MYCBP2: variants seen among roughly 807,000 people sequenced by gnomAD.
The protein encoded by MYCBP2 is MYC binding protein 2.
In MYCBP2, 120 loss-of-function variants were observed where a neutral mutation model predicts 525.3. The ratio of observed to expected loss-of-function variants is 0.23; its 90% CI spans 0.20 to 0.27. MYCBP2 has a LOEUF of 0.27. MYCBP2 is among the 10% of genes least tolerant of loss of function. The probability of loss-of-function intolerance (pLI) is 1.00; values close to 1 mark genes in which losing one functional copy is unlikely to be tolerated. For synonymous variants in MYCBP2, 1,894 were observed against 1,955.8 expected (o/e 0.97, Z 0.83); for missense variants, 4,149 against 5,657.1 (o/e 0.73, Z 8.55).
chr13:77,086,078 T>A (rs2044211773), intron 62 of MYCBP2, among the ~76,000 whole-genome samples: 3 of 152,204 alleles, frequency 2.0e-5, no homozygotes, highest in Admixed American at 6.6e-5. Context: ...TCATTACTTT[T>A]TACATAGTCA....
At chr13:77,216,942 G>A (rs2064903512) in intron 21 of MYCBP2, among the ~76,000 whole-genome samples, 1 of 152,042 alleles carries the variant, frequency 6.6e-6, no homozygotes, top group South Asian at 2.1e-4. Flanking sequence ...ATATACATAC[G>A]TACACACACA....
At chr13:77,310,381 A>C (rs984789623) in intron 1 of MYCBP2, among the ~76,000 whole-genome samples, 4 of 152,178 alleles carry the variant, frequency 2.6e-5, no homozygotes, top group African/African-American at 9.7e-5. Context: ...TATAGTCTAC[A>C]TGCCAAAAAC....
chr13:77,093,211 T>C lies in MYCBP2; in HGVS notation c.10321A>G (p.Asn3441Asp), dbSNP rs2045716817. The change falls in exon 59 of 83, where the codon AAT (asparagine) becomes GAT (aspartate). Residue 3441 changes from asparagine to aspartate, a missense_variant. By Grantham distance (23) the Asn-to-Asp change is conservative. Transcript: ENST00000544440. The stretch of plus-strand genomic sequence containing the variant: ...TTGCTCTCTGGCTCTTCAAATACAT[T>C]AGGACTTGCATCAGGAGTTACTGAT... ...YISVTPDASP[N>D]VFEEPESNMK... 2 of 1,613,172 alleles carry C rather than the reference T, an allele frequency of 1.2e-6. No homozygotes were observed. The highest frequency in any genetic ancestry group is 1.7e-6 in the Non-Finnish European group (2 of 1,179,448).
At chr13:77,193,184 C>A (rs1011588834) in intron 27 of MYCBP2, among the ~76,000 whole-genome samples, 2 of 151,916 alleles carry the variant, frequency 1.3e-5, no homozygotes, top group African/African-American at 2.4e-5. Context: ...CGGCAAATGA[C>A]AATGGCACCT....
intron 18 of MYCBP2, among the ~76,000 whole-genome samples, chr13:77,227,198 C>T (rs932476642): frequency 1.3e-5 from 2 of 151,656 alleles, no homozygotes; most frequent in African/African-American, 4.8e-5. Context: ...ATTTTTTACT[C>T]AAAAAAGATC....
intron 66 of MYCBP2, 63 bp from the exon 67 acceptor site, chr13:77,077,450 A>T: frequency 1.3e-6 from 2 of 1,579,490 alleles, no homozygotes; most frequent in East Asian, 4.5e-5. Flanking sequence ...ACTGTGCTGG[A>T]CTTAGCATTG....
intron 26 of MYCBP2, among the ~76,000 whole-genome samples, chr13:77,199,787 C>T (rs55705093): frequency 0.029 from 4,356 of 152,288 alleles, 223 homozygotes; most frequent in African/African-American, 0.097. Context: ...GGCAGACTGA[C>T]ACCTCACACT....
chr13:77,195,502 CAGA>C (rs557304441), intron 26 of MYCBP2, among the ~76,000 whole-genome samples: 662 of 152,214 alleles, frequency 4.3e-3, no homozygotes, highest in Non-Finnish European at 5.9e-3. Context: ...GAAGCTGAGG[CAGA>C]AGAATTGCTT....
At chr13:77,233,439 C>T (rs768648026) in intron 17 of MYCBP2, among the ~76,000 whole-genome samples, 176 bp from the exon 18 acceptor site, 21 of 127,328 alleles carry the variant, frequency 1.6e-4, no homozygotes, top group Non-Finnish European at 2.7e-4. Context: ...AACCTAATCA[C>T]CATTTCACAT....
intron 27 of MYCBP2, among the ~76,000 whole-genome samples, chr13:77,192,627 G>A (rs968138606): frequency 2.5e-4 from 38 of 152,142 alleles, no homozygotes; most frequent in Middle Eastern, 3.2e-3. Flanking sequence ...ATGACAAGGT[G>A]TTCATTATTA....
At chr13:77,162,120 A>G (rs909086098) in intron 43 of MYCBP2, among the ~76,000 whole-genome samples, 165 bp from the exon 44 acceptor site, 1 of 152,214 alleles carries the variant, frequency 6.6e-6, no homozygotes, top group African/African-American at 2.4e-5. Flanking sequence ...ACAGTTTAAT[A>G]TATAAGATAC....
intron 21 of MYCBP2, among the ~76,000 whole-genome samples, chr13:77,214,222 C>T (rs1306680863): frequency 6.6e-6 from 1 of 152,126 alleles, no homozygotes; most frequent in Non-Finnish European, 1.5e-5. Context: ...TCTCATACAC[C>T]GTTAGTGTGA....
intron 82 of MYCBP2, 151 bp downstream of exon 82, chr13:77,050,846 C>G: frequency 1.5e-6 from 1 of 655,938 alleles, no homozygotes; most frequent in Non-Finnish European, 2.5e-6. Flanking sequence ...CCCAGAAAGT[C>G]ATAAGCTTAC....
chr13:77,092,520 G>A (rs938773344), intron 59 of MYCBP2: 1 of 151,872 alleles, frequency 6.6e-6, no homozygotes, highest in African/African-American at 2.4e-5. Context: ...TGCCTCCCAG[G>A]TTCAAGTAAT....
intron 11 of MYCBP2, 87 bp downstream of exon 11, chr13:77,261,966 T>G: frequency 6.8e-6 from 7 of 1,025,846 alleles, no homozygotes; most frequent in Non-Finnish European, 8.4e-6. Context: ...TTCTTAAACA[T>G]GCAAACTATA....
chr13:77,166,139 C>G (rs1048829692), intron 41 of MYCBP2, among the ~76,000 whole-genome samples, 190 bp downstream of exon 41: 5 of 152,116 alleles, frequency 3.3e-5, no homozygotes, highest in African/African-American at 9.7e-5. Flanking sequence ...TTGTCTTCTC[C>G]AAAACTCAGA....
chr13:77,262,130 C>T lies in MYCBP2; in HGVS notation c.1571-1G>A. The stretch of plus-strand genomic sequence containing the variant: ...GCTGACTCCTCATCAAATCCTGTAC[C>T]TGAAATACGAGACTAATAAATACTA... On this transcript the variant is annotated splice_acceptor_variant, in intron 10 of 82. Transcript: ENST00000544440. LOFTEE classifies it high-confidence loss of function. 1 of 1,605,666 alleles carries T rather than the reference C, an allele frequency of 6.2e-7. No homozygotes were observed. The highest frequency in any genetic ancestry group is 8.5e-7 in the Non-Finnish European group (1 of 1,175,002).
intron 55 of MYCBP2, among the ~76,000 whole-genome samples, chr13:77,117,010 T>C (rs1323148385): frequency 6.6e-6 from 1 of 152,042 alleles, no homozygotes; most frequent in South Asian, 2.1e-4. Flanking sequence ...TTTTCTAGTA[T>C]AAATTTTCTA....
chr13:77,087,626 T>C lies in MYCBP2; in HGVS notation c.10733A>G (p.Asn3578Ser), dbSNP rs1443741821. Reference protein sequence around the residue: ...ACRVFAMEAFNWLLCNVIQTT... With the variant: ...ACRVFAMEAFSWLLCNVIQTT... ...TTGGATGACATTACACAGAAGCCAG[T>C]TGAAAGCCTGAAGAAATGACGGTTA... Residue 3578 changes from asparagine to serine, a missense_variant, in exon 62 of 83, where the codon AAC becomes AGC. By Grantham distance (46) the Asn-to-Ser change is conservative. This residue lies in a region of MYCBP2 where 509 missense variants were observed against 789.4 expected (regional missense o/e 0.64). Coordinates refer to ENST00000544440, the MANE Select transcript of MYCBP2 (RefSeq NM_015057.5). 1 of 1,609,674 alleles carries C rather than the reference T, an allele frequency of 6.2e-7. No individual in the cohort carries two copies. The highest frequency in any genetic ancestry group is 8.5e-7 in the Non-Finnish European group (1 of 1,178,152).
Sources: gnomAD v4.1 joint callset for allele counts (sites outside exome capture counted in the v4.1 genomes callset) on GRCh38, gnomAD v4.1.1 for gene constraint, gnomAD v4.1.1 regional missense constraint, MANE v1.5 for transcripts, NCBI Gene and HGNC (gene_info 2026-07-23, HGNC 2026-07-21) for gene names.